Variants in TG observed in about 807,000 individuals in gnomAD.
TG encodes thyroid hormones.
Under a neutral mutation model 324.7 loss-of-function variants are expected in TG, and 270 were observed. That is an observed-to-expected ratio of 0.83 (90% CI 0.75 to 0.92). TG has a LOEUF of 0.92. Among genes scored for constraint, TG ranks in the 40% least tolerant of loss-of-function variants. TG has a pLI of 0.00. For missense variants in TG, 3,591 were observed against 3,456.4 expected, an observed-to-expected ratio of 1.04 and a Z score of -0.98; for synonymous variants, 1,401 against 1,327.0, an observed-to-expected ratio of 1.06 and a Z score of -1.21.
intron 26 of TG, among the ~76,000 whole-genome samples, chr8:132,947,996 A>G (rs897765267): frequency 6.6e-6 from 1 of 152,188 alleles, no homozygotes; most frequent in East Asian, 1.9e-4. Flanking sequence ...GAGTCAGGAG[A>G]CATATTCAAG....
At chr8:132,920,894 T>C (rs1821009907) in intron 21 of TG, among the ~76,000 whole-genome samples, 1 of 152,252 alleles carries the variant, frequency 6.6e-6, no homozygotes, top group Non-Finnish European at 1.5e-5. Context: ...AGGCTGCTAT[T>C]GCAAATTACC....
At chr8:132,971,299 A>G (rs1829488413) in intron 32 of TG, among the ~76,000 whole-genome samples, 1 of 152,164 alleles carries the variant, frequency 6.6e-6, no homozygotes, top group African/African-American at 2.4e-5. Flanking sequence ...ACACTGAGTA[A>G]GAGGGGAAGT....
intron 41 of TG, among the ~76,000 whole-genome samples, chr8:133,048,141 T>C (rs542303791): frequency 1.3e-5 from 2 of 152,330 alleles, no homozygotes; most frequent in South Asian, 2.1e-4. Context: ...CAGCAGTTGA[T>C]AGAGTTAAAA....
intron 41 of TG, among the ~76,000 whole-genome samples, chr8:133,031,276 T>C (rs1836617374): frequency 6.6e-6 from 1 of 152,224 alleles, no homozygotes; most frequent in Admixed American, 6.5e-5. Context: ...GGTCCATCCA[T>C]GTTGTAGCAT....
At chr8:133,080,254 T>C (rs1029858122) in intron 41 of TG, among the ~76,000 whole-genome samples, 1 of 152,166 alleles carries the variant, frequency 6.6e-6, no homozygotes, top group African/African-American at 2.4e-5. Context: ...GGAATGAATA[T>C]TGGGGAAATG....
intron 26 of TG, among the ~76,000 whole-genome samples, chr8:132,948,547 A>G (rs1333277115): frequency 1.3e-5 from 2 of 152,202 alleles, no homozygotes; most frequent in Non-Finnish European, 2.9e-5. Flanking sequence ...GGAAAGGATC[A>G]GTAGGCTTGA....
intron 41 of TG, among the ~76,000 whole-genome samples, chr8:133,084,203 G>T (rs1270848862): frequency 6.6e-6 from 1 of 152,152 alleles, no homozygotes; most frequent in Non-Finnish European, 1.5e-5. Context: ...GGGCAGTCTA[G>T]GGGCTACTGG....
chr8:133,077,001 A>G (rs999580375), intron 41 of TG, among the ~76,000 whole-genome samples: 2 of 152,178 alleles, frequency 1.3e-5, no homozygotes, highest in Non-Finnish European at 2.9e-5. Flanking sequence ...ATGGCGACCC[A>G]TCAAAGAAAC....
At chr8:133,022,869 C>T (rs1481765691) in intron 40 of TG, among the ~76,000 whole-genome samples, 2 of 152,208 alleles carry the variant, frequency 1.3e-5, no homozygotes, top group Non-Finnish European at 2.9e-5. Context: ...GGCTGTGGAC[C>T]CTCAGACAAA....
At chr8:132,899,442 G>A (rs577296280) in intron 14 of TG, among the ~76,000 whole-genome samples, 1 of 152,316 alleles carries the variant, frequency 6.6e-6, no homozygotes, top group Non-Finnish European at 1.5e-5. Context: ...TGGGCTTAGT[G>A]TCCTTTTTCT....
intron 42 of TG, 27 bp downstream of exon 42, chr8:133,095,235 G>T (rs762566178): frequency 6.2e-7 from 1 of 1,614,174 alleles, no homozygotes; most frequent in South Asian, 1.1e-5. Context: ...AAGTTGGGAA[G>T]GGACATTCTC....
At position 132,888,425 on chromosome 8, in the gene TG, A is replaced by G. The variant is rs749203798; in HGVS notation, c.2618A>G (p.Asn873Ser). Reference protein sequence around the residue: ...LEPYLFWQILNGQLSQYPGSY... With the variant: ...LEPYLFWQILSGQLSQYPGSY... ...CCCTACCTCTTCTGGCAGATCTTAA[A>G]TGGCCAACTCAGCCAATACCCGGGG... Residue 873 changes from asparagine (N) to serine (S), a missense_variant, in exon 10 of 48, where the codon AAT (asparagine) becomes AGT (serine). Physicochemically the swap from Asn to Ser is conservative, Grantham distance 46. Coordinates refer to ENST00000220616, the MANE Select transcript of TG (RefSeq NM_003235.5). 4.3e-6 allele frequency: 7 copies of G among 1,613,276 alleles called. No homozygotes were observed. The highest frequency in any genetic ancestry group is 1.1e-5 in the South Asian group (1 of 91,042).
chr8:132,976,640 C>T (rs1830208143), intron 34 of TG, among the ~76,000 whole-genome samples: 1 of 152,178 alleles, frequency 6.6e-6, no homozygotes, highest in Non-Finnish European at 1.5e-5. Flanking sequence ...AGAAAAAGTG[C>T]TACAATGTCA....
chr8:132,904,380 A>G (rs1460199219), intron 16 of TG, among the ~76,000 whole-genome samples: 1 of 152,240 alleles, frequency 6.6e-6, no homozygotes, highest in Non-Finnish European at 1.5e-5. Context: ...CTAAAGTAGC[A>G]GTAAGAATCC....
rs1010251142 is a variant in TG, at chr8:133,055,360, C to T, written c.7239+25337C>T. Among the ~76,000 whole-genome samples the T allele has an allele frequency of 9.8e-4, 43 of 43,974 alleles. No homozygotes were observed. The East Asian group carries it at 0.015, about 15-fold the overall frequency. The allele number at this position is 43,974 out of a possible 152,430, so 28.8% of individuals were successfully genotyped here. ...GTCATCTTCAGGACACACACACGCA[C>T]GCGCGCACACACACACACACACACA... On this transcript the variant is annotated intron_variant, in intron 41 of 47. Transcript: ENST00000220616.
chr8:133,095,056 C>G lies in TG; in HGVS notation c.7252C>G (p.Leu2418Val). 1 of 1,613,762 alleles carries G rather than the reference C, an allele frequency of 6.2e-7. No homozygotes were observed. The highest frequency in any genetic ancestry group is 8.5e-7 in the Non-Finnish European group (1 of 1,180,018). ...RRAVLMGGSA[L>V]SPAAVISHER... ...CTTTCTCTTCCAGGGAGGCTCCGCA[C>G]TCTCCCCGGCCGCCGTCATCAGCCA... Residue 2418 changes from leucine to valine, a missense_variant, in exon 42 of 48, where the codon CTC becomes GTC. By Grantham distance (32) the Leu-to-Val change is conservative. Coordinates refer to ENST00000220616, the MANE Select transcript of TG (RefSeq NM_003235.5).
intron 45 of TG, among the ~76,000 whole-genome samples, chr8:133,124,528 G>A (rs1851377120): frequency 6.6e-6 from 1 of 152,120 alleles, no homozygotes; most frequent in African/African-American, 2.4e-5. Flanking sequence ...TTAGCTGTTT[G>A]CATTTAAACA....
chr8:132,897,783 A>C lies in TG; in HGVS notation c.3136A>C (p.Thr1046Pro), dbSNP rs1339458744. ...SWEPVQCHAG[T>P]GHCWCVDEKG... ...GGAGCCTGTGCAGTGCCACGCTGGG[A>C]CTGGTAAGGAGGGATAGGCACCTTC... The change falls in exon 12 of 48, where the codon ACT (threonine) becomes CCT (proline). Residue 1046 changes from threonine (T) to proline (P), a missense_variant. Transcript: ENST00000220616. 4 of 1,614,128 alleles carry C rather than the reference A, an allele frequency of 2.5e-6. No individual in the cohort carries two copies. The highest frequency in any genetic ancestry group is 2.5e-6 in the Non-Finnish European group (3 of 1,180,010).
At position 132,948,803 on chromosome 8, in the gene TG, C is replaced by G. The variant is rs772125005; in HGVS notation, c.5261C>G (p.Ser1754Ter). 1.2e-6 allele frequency: 2 copies of G among 1,614,012 alleles called. No homozygotes were observed. Among genetic ancestry groups the G allele is most frequent in the East Asian group, 2.2e-5 (1 of 44,858 alleles). The change falls in exon 27 of 48, where the codon TCA (serine) becomes TGA (stop). Residue 1754 changes from serine to a stop codon, truncating the protein, a stop_gained. Transcript: ENST00000220616. LOFTEE classifies it high-confidence loss of function. ...GCCATCATCTGTGGGTTGCTGAGCT[C>G]ACCCAGTGTCCTGCTTTGTAATGTC... The part of the protein sequence containing the change: ...GGAIICGLLS[S>*]PSVLLCNVKD...
Sources: gnomAD v4.1 joint callset for allele counts (sites outside exome capture counted in the v4.1 genomes callset) on GRCh38, gnomAD v4.1.1 for gene constraint, MANE v1.5 for transcripts, NCBI Gene and HGNC (gene_info 2026-07-23, HGNC 2026-07-21) for gene names.